Variants in ITGA2 observed in about 807,000 individuals in gnomAD.
The protein encoded by ITGA2 is integrin alpha-2.
Under a neutral mutation model 146.3 loss-of-function variants are expected in ITGA2, and 101 were observed. The ratio of observed to expected loss-of-function variants is 0.69; its 90% confidence interval spans 0.59 to 0.81. The LOEUF (loss-of-function observed/expected upper bound fraction) is 0.81, where lower values mean the gene tolerates loss of function less well. Ranked by LOEUF, ITGA2 falls within the 40% of genes least tolerant of loss-of-function variation. The pLI is 0.00. For missense variants in ITGA2, 1,281 were observed against 1,402.7 expected (o/e 0.91, Z 1.39); for synonymous variants, 477 against 487.1 (o/e 0.98, Z 0.27).
intron 6 of ITGA2, 44 bp from the exon 7 acceptor site, chr5:53,051,367 T>C (rs1266590508): frequency 1.2e-5 from 19 of 1,593,378 alleles, no homozygotes; most frequent in Non-Finnish European, 1.6e-5. Flanking sequence ...GAAATTATTT[T>C]TAATGTAATG....
intron 1 of ITGA2, among the ~76,000 whole-genome samples, chr5:52,999,348 CAT>C (rs892004834): frequency 3.3e-5 from 5 of 152,040 alleles, no homozygotes; most frequent in Admixed American, 1.3e-4. Flanking sequence ...TAAAATGTAA[CAT>C]ACATGTAGAC....
rs1561114774 is a variant in ITGA2 at position 53,042,056 on chromosome 5, A to G, written c.186-56A>G. On this transcript the variant is annotated intron_variant, in intron 2 of 29. Transcript: ENST00000296585. Reference sequence around the variant, plus strand: ...TTTTTCACTGTTTGTGATCAGGTTTATCTTTAAGAAACTATACTTAACACT... The same window carrying G: ...TTTTTCACTGTTTGTGATCAGGTTTGTCTTTAAGAAACTATACTTAACACT... The G allele has an allele frequency of 4.9e-6, 5 of 1,018,698 alleles. No homozygotes were observed. In the Admixed American group the frequency reaches 5.1e-5, roughly 10 times the overall value. 63.1% of individuals were successfully genotyped at this position (1,018,698 alleles called of 1,614,324 possible). A position where few individuals can be genotyped will look rare whatever the true frequency, so the allele number is the denominator to read the frequency against.
intron 1 of ITGA2, among the ~76,000 whole-genome samples, chr5:53,020,952 C>T (rs530323817): frequency 6.6e-6 from 1 of 151,772 alleles, no homozygotes; most frequent in Admixed American, 6.6e-5. Context: ...ACCTTGGCCT[C>T]CCAAAGTGGT....
chr5:53,070,746 A>G (rs901172487), intron 17 of ITGA2, among the ~76,000 whole-genome samples: 10 of 151,910 alleles, frequency 6.6e-5, no homozygotes, highest in African/African-American at 2.4e-4. Context: ...TGTATTTAAC[A>G]TGGATTTTGA....
At chr5:53,065,158 T>A in intron 14 of ITGA2, 43 bp downstream of exon 14, 1 of 1,571,550 alleles carries the variant, frequency 6.4e-7, no homozygotes, top group Non-Finnish European at 8.8e-7. Flanking sequence ...TTTGTGGGTC[T>A]TATCATATTA....
chr5:53,046,541 T>TA (rs1561119452), intron 4 of ITGA2, among the ~76,000 whole-genome samples: 2 of 151,734 alleles, frequency 1.3e-5, no homozygotes, highest in South Asian at 4.1e-4. Flanking sequence ...TGCAAAAATT[T>TA]AAAAAAAGAA....
At chr5:53,038,476 C>G (rs1048577557) in intron 2 of ITGA2, among the ~76,000 whole-genome samples, 1 of 152,152 alleles carries the variant, frequency 6.6e-6, no homozygotes, top group Non-Finnish European at 1.5e-5. Flanking sequence ...CCTCCCAGGA[C>G]AGCTGTGCTT....
chr5:53,080,141 CAT>C (rs1210736414), intron 24 of ITGA2, among the ~76,000 whole-genome samples: 10 of 152,144 alleles, frequency 6.6e-5, no homozygotes, highest in East Asian at 1.9e-4. Context: ...ATTTATACCA[CAT>C]GTCTCACAAA....
At position 53,058,061 on chromosome 5, in the gene ITGA2, T is replaced by A; in HGVS notation, c.1133T>A (p.Met378Lys). 1 of 1,611,810 alleles carries A rather than the reference T, an allele frequency of 6.2e-7. No homozygotes were observed. Among genetic ancestry groups the A allele is most frequent in the Non-Finnish European group, 8.5e-7 (1 of 1,178,478 alleles). Residue 378 changes from methionine (M) to lysine (K), a missense_variant, in exon 10 of 30, where the codon ATG becomes AAG. Around this residue, in one of 3 missense-constraint regions of ITGA2, gnomAD observed 795 missense variants for 841.7 expected, o/e 0.94. Transcript: ENST00000296585. ...VQGGDNFQME[M>K]SQVGFSADYS... is the part of the protein sequence containing the mutation. ...GGAGGAGACAACTTTCAGATGGAAATGTCACAAGTGGGATTCAGTGCAGAT... is the reference window on the plus strand; with the variant it reads ...GGAGGAGACAACTTTCAGATGGAAAAGTCACAAGTGGGATTCAGTGCAGAT...
chr5:53,036,926 A>G (rs868730568), intron 2 of ITGA2, among the ~76,000 whole-genome samples: 1 of 152,138 alleles, frequency 6.6e-6, no homozygotes, highest in Admixed American at 6.5e-5. Flanking sequence ...AGTCCCCAAG[A>G]GCCCAATAAA....
At chr5:53,025,532 G>A (rs41302836) in intron 1 of ITGA2, among the ~76,000 whole-genome samples, 2,111 of 152,262 alleles carry the variant, frequency 0.014, 20 homozygotes, top group Non-Finnish European at 0.022. Flanking sequence ...TAAAGTCCCC[G>A]TTGCTTCATC....
Position 52,992,007 on chromosome 5 carries a change from G to C in ITGA2, c.64+2475G>C, listed in dbSNP as rs77961997. ...GGTCAAGGATAGTCCTTCCACCCAG[G>C]TTCTAGACCACATCTTTTCTTACTA... On this transcript the variant is annotated intron_variant, in intron 1 of 29. Transcript: ENST00000296585. Among the ~76,000 whole-genome samples, 345 of 133,756 alleles carry C rather than the reference G, an allele frequency of 2.6e-3. 4 individuals carry two copies. The highest frequency in any genetic ancestry group is 6.0e-3 in the Admixed American group (78 of 13,034). The allele number at this position is 133,756 out of a possible 152,430, so 87.7% of individuals were successfully genotyped here.
At chr5:53,047,485 G>T (rs2111908252) in intron 4 of ITGA2, among the ~76,000 whole-genome samples, 1 of 152,312 alleles carries the variant, frequency 6.6e-6, no homozygotes, top group African/African-American at 2.4e-5. Context: ...AAGAAGACAA[G>T]TGCCATTCAG....
intron 7 of ITGA2, among the ~76,000 whole-genome samples, chr5:53,054,390 G>T (rs1744529980): frequency 6.6e-6 from 1 of 152,060 alleles, no homozygotes; most frequent in Admixed American, 6.6e-5. Flanking sequence ...TCAAGACATA[G>T]AATGCTCTGA....
Position 52,989,451 on chromosome 5 carries a change from C to A in ITGA2, c.-18C>A, listed in dbSNP as rs377679929. ...TCTGCAAACCCAGCGCAACTACGGTCCCCCGGTCAGACCCAGGATGGGGCC... is the reference window on the plus strand; with the variant it reads ...TCTGCAAACCCAGCGCAACTACGGTACCCCGGTCAGACCCAGGATGGGGCC... On this transcript the variant is annotated 5_prime_UTR_variant, in exon 1 of 30. Coordinates refer to ENST00000296585, the MANE Select transcript of ITGA2 (RefSeq NM_002203.4). 3.1e-6 allele frequency: 5 copies of A among 1,613,682 alleles called. No individual in the cohort carries two copies. The Admixed American group carries it at 5.0e-5, about 16-fold the overall frequency.
At position 53,065,839 on chromosome 5, in the gene ITGA2, A is replaced by C. The variant is rs1380813090; in HGVS notation, c.1807-2A>C. On this transcript the variant is annotated splice_acceptor_variant, in intron 14 of 29. Coordinates refer to ENST00000296585, the MANE Select transcript of ITGA2 (RefSeq NM_002203.4). LOFTEE classifies it high-confidence loss of function. ...AATTTCGTGTCAAACCTGCTCTTTT[A>C]GAAAATCTTGGGATCCGATGGAGCC... 1 of 1,611,804 alleles carries C rather than the reference A, an allele frequency of 6.2e-7. No individual in the cohort carries two copies. Among genetic ancestry groups the C allele is most frequent in the Non-Finnish European group, 8.5e-7 (1 of 1,178,552 alleles).
chr5:53,011,298 T>C (rs933573119), intron 1 of ITGA2, among the ~76,000 whole-genome samples: 2 of 152,180 alleles, frequency 1.3e-5, no homozygotes, highest in African/African-American at 4.8e-5. Flanking sequence ...TTGAATTTTC[T>C]TCCTTAACTT....
At chr5:53,016,474 C>G (rs1347840733) in intron 1 of ITGA2, among the ~76,000 whole-genome samples, 1 of 152,106 alleles carries the variant, frequency 6.6e-6, no homozygotes, top group African/African-American at 2.4e-5. Flanking sequence ...TGATGGGGTT[C>G]CCTTTATAGG....
At chr5:52,993,881 A>G (rs1007903318) in intron 1 of ITGA2, among the ~76,000 whole-genome samples, 2 of 88,778 alleles carry the variant, frequency 2.3e-5, no homozygotes, top group Non-Finnish European at 3.3e-5. Flanking sequence ...AGCATAAAAC[A>G]AGAGAAACCA....
Sources: gnomAD v4.1 joint callset for allele counts (sites outside exome capture counted in the v4.1 genomes callset) on GRCh38, gnomAD v4.1.1 for gene constraint, gnomAD v4.1.1 regional missense constraint, MANE v1.5 for transcripts, NCBI Gene and HGNC (gene_info 2026-07-23, HGNC 2026-07-21) for gene names.